STAB2: variants seen among roughly 807,000 people sequenced by gnomAD.
STAB2 encodes the protein stabilin 2, also known as stabilin-2.
In STAB2, 288 loss-of-function variants were observed where a neutral mutation model predicts 338.1. The ratio of observed to expected loss-of-function variants is 0.85; its 90% confidence interval spans 0.77 to 0.94. STAB2 has a LOEUF of 0.94. Among genes scored for constraint, STAB2 ranks in the 40% least tolerant of loss-of-function variants. STAB2 has a pLI of 0.00. For missense variants in STAB2, 3,141 were observed against 3,210.1 expected (o/e 0.98, Z 0.52); for synonymous variants, 1,202 against 1,193.3 (o/e 1.01, Z -0.15).
chr12:103,749,459 G>C (rs902792153), intron 59 of STAB2, among the ~76,000 whole-genome samples: 3 of 152,036 alleles, frequency 2.0e-5, no homozygotes, highest in Non-Finnish European at 1.5e-5. Context: ...GGGGAAAGTG[G>C]GTAGAGAGTA....
chr12:103,594,454 G>A lies in STAB2; in HGVS notation c.275G>A (p.Arg92Lys), dbSNP rs373572392. ...LSLPGCRHIC[R>K]KDYLQPRCCP... The stretch of plus-strand genomic sequence containing the variant: ...CTCCCCGGATGCCGCCATATTTGTA[G>A]GAAGGACTATCTCCAACCTCGGTGT... The change falls in exon 3 of 69, where the codon AGG becomes AAG. Residue 92 changes from arginine to lysine, a missense_variant. Coordinates refer to ENST00000388887, the MANE Select transcript of STAB2 (RefSeq NM_017564.10). 1.9e-5 allele frequency: 30 copies of A among 1,613,862 alleles called. No individual in the cohort carries two copies. Among genetic ancestry groups the A allele is most frequent in the Non-Finnish European group, 2.5e-5 (30 of 1,179,888 alleles).
chr12:103,625,939 C>T (rs1174379450), intron 5 of STAB2, among the ~76,000 whole-genome samples: 1 of 152,198 alleles, frequency 6.6e-6, no homozygotes, highest in Non-Finnish European at 1.5e-5. Flanking sequence ...GCCACACTGA[C>T]TTCCACAATG....
At chr12:103,693,225 A>C (rs750719532) in intron 31 of STAB2, among the ~76,000 whole-genome samples, 1 of 152,062 alleles carries the variant, frequency 6.6e-6, no homozygotes, top group Non-Finnish European at 1.5e-5. Context: ...AGTCTGAGGT[A>C]GGAGGATTGC....
intron 57 of STAB2, 54 bp downstream of exon 57, chr12:103,745,331 CCAAG>C: frequency 2.0e-6 from 3 of 1,513,572 alleles, no homozygotes; most frequent in Non-Finnish European, 2.7e-6. Context: ...GTGGACACTG[CCAAG>C]AGCATACAAG....
intron 3 of STAB2, among the ~76,000 whole-genome samples, chr12:103,612,506 G>A (rs61055818): frequency 0.13 from 19,561 of 152,168 alleles, 1,463 homozygotes; most frequent in South Asian, 0.31. Context: ...CATGCATCAC[G>A]TAGTTCTTGT....
At chr12:103,738,025 T>TATCATTGAG (rs1882293677) in intron 53 of STAB2, among the ~76,000 whole-genome samples, 1 of 152,142 alleles carries the variant, frequency 6.6e-6, no homozygotes, top group South Asian at 2.1e-4. Context: ...TTCACTCCCT[T>TATCATTGAG]ATCATTGAGA....
At chr12:103,681,613 CTTT>C (rs907234037) in intron 25 of STAB2, among the ~76,000 whole-genome samples, 5 of 92,948 alleles carry the variant, frequency 5.4e-5, no homozygotes, top group African/African-American at 1.8e-4. Flanking sequence ...TTCCCCCCTA[CTTT>C]TTTTTTTTTT....
In STAB2 at chr12:103,755,340, C is replaced by G. The variant is rs770270471; in HGVS notation, c.6753C>G (p.Thr2251=). 6.2e-7 allele frequency: 1 copy of G among 1,614,110 alleles called. No homozygotes were observed. The highest frequency in any genetic ancestry group is 1.1e-5 in the South Asian group (1 of 91,078). ...TGTGCTCAGCAGGCTGGCTGGAGAC[C>G]GGGCGGGTTGCCTACCCCACAGCCT... ...YHLCSAGWLE[T]GRVAYPTAFA... is the part of the protein sequence containing the mutation. Residue 2251 remains threonine, a synonymous_variant, in exon 62 of 69, where the codon ACC becomes ACG. Coordinates refer to ENST00000388887, the MANE Select transcript of STAB2 (RefSeq NM_017564.10).
At chr12:103,743,862 A>C (rs1882786489) in intron 56 of STAB2, among the ~76,000 whole-genome samples, 1 of 152,186 alleles carries the variant, frequency 6.6e-6, no homozygotes. Flanking sequence ...AGAGAGGAAG[A>C]GAATGCAATC....
At chr12:103,639,309 T>C (rs1342022459) in intron 8 of STAB2, among the ~76,000 whole-genome samples, 2 of 152,180 alleles carry the variant, frequency 1.3e-5, no homozygotes, top group Non-Finnish European at 2.9e-5. Flanking sequence ...CATTTTGGGC[T>C]GGATAATTCT....
chr12:103,765,128 A>C (rs1227680734), intron 68 of STAB2, among the ~76,000 whole-genome samples: 1 of 150,492 alleles, frequency 6.6e-6, no homozygotes, highest in Non-Finnish European at 1.5e-5. Context: ...TGGTAAGTTC[A>C]GCTAAATTAC....
rs1593268699 is a variant in STAB2 at position 103,711,203 on chromosome 12, A to C, written c.4289-268A>C. 9 of 473,728 alleles carry C rather than the reference A, an allele frequency of 1.9e-5. No individual in the cohort carries two copies. The East Asian group carries it at 3.2e-4, about 17-fold the overall frequency. 29.3% of individuals were successfully genotyped at this position (473,728 alleles called of 1,614,324 possible). ...AGCACATGGTCACATTCCAGGGAGA[A>C]TTCTGTGTTTTATTCACTCTTGCAT... On this transcript the variant is annotated intron_variant, in intron 39 of 68. Transcript: ENST00000388887.
chr12:103,611,825 C>A (rs539059009), intron 3 of STAB2, among the ~76,000 whole-genome samples: 1 of 152,068 alleles, frequency 6.6e-6, no homozygotes, highest in African/African-American at 2.4e-5. Context: ...TGGCTGGTAC[C>A]GGTTGTTCCT....
At chr12:103,643,185 G>A (rs1873050194) in intron 9 of STAB2, among the ~76,000 whole-genome samples, 1 of 151,998 alleles carries the variant, frequency 6.6e-6, no homozygotes, top group Non-Finnish European at 1.5e-5. Flanking sequence ...TTTTCTAAGG[G>A]CACTCATTCC....
At chr12:103,720,947 GA>G in intron 44 of STAB2, among the ~76,000 whole-genome samples, 1 of 152,178 alleles carries the variant, frequency 6.6e-6, no homozygotes, top group East Asian at 1.9e-4. Context: ...TTTCACATCA[GA>G]AGGGTAATGT....
At chr12:103,701,753 G>T (rs1878890261) in intron 34 of STAB2, among the ~76,000 whole-genome samples, 1 of 152,114 alleles carries the variant, frequency 6.6e-6, no homozygotes, top group African/African-American at 2.4e-5. Context: ...GAACACCTCT[G>T]TGGAGTTCAG....
chr12:103,668,290 T>C (rs1875357397), intron 19 of STAB2, among the ~76,000 whole-genome samples: 1 of 152,204 alleles, frequency 6.6e-6, no homozygotes. Context: ...AAAATGTCTC[T>C]GTAGGAGATC....
chr12:103,641,612 G>A (rs970173822), intron 9 of STAB2, among the ~76,000 whole-genome samples: 3 of 152,104 alleles, frequency 2.0e-5, no homozygotes, highest in Non-Finnish European at 4.4e-5. Context: ...AACCAAACAA[G>A]CTGGTGTATG....
chr12:103,668,618 G>A, intron 19 of STAB2, 25 bp from the exon 20 acceptor site: 1 of 1,549,666 alleles, frequency 6.5e-7, no homozygotes. Flanking sequence ...TGACTGCCAT[G>A]CTTTCCCTCC....
Sources: allele counts gnomAD v4.1 joint callset (sites outside exome capture counted in the v4.1 genomes callset), GRCh38; gene constraint gnomAD v4.1.1; transcripts MANE v1.5; gene names NCBI Gene and HGNC (gene_info 2026-07-23, HGNC 2026-07-21).